The following DLC1 variants were observed in gnomAD, a reference collection of about 807,000 sequenced individuals.
The protein encoded by DLC1 is DLC1 Rho GTPase activating protein, also known as rho GTPase-activating protein 7.
In DLC1, 54 loss-of-function variants were observed where a neutral mutation model predicts 140.3. The observed-to-expected ratio is 0.38, with a 90% CI of 0.31 to 0.48. The LOEUF (loss-of-function observed/expected upper bound fraction) is 0.48. Among genes scored for constraint, DLC1 ranks in the 20% least tolerant of loss-of-function variants. The pLI is 0.96. For synonymous variants in DLC1, 986 were observed against 728.1 expected (o/e 1.35, Z -5.70); for missense variants, 2,536 against 1,907.0 (o/e 1.33, Z -6.14).
intron 3 of DLC1, among the ~76,000 whole-genome samples, chr8:13,398,294 C>T (rs1031650348): frequency 6.8e-4 from 26 of 37,990 alleles, no homozygotes; most frequent in Non-Finnish European, 1.1e-3. Context: ...AACTCTTCCC[C>T]ATCACATCTC....
chr8:13,087,775 T>C (rs1345594200), intron 16 of DLC1, among the ~76,000 whole-genome samples: 2 of 152,244 alleles, frequency 1.3e-5, no homozygotes, highest in Admixed American at 6.5e-5. Context: ...ATTTTTGGAA[T>C]TCTTCTTTCA....
intron 2 of DLC1, among the ~76,000 whole-genome samples, chr8:13,466,611 C>T (rs1167785942): frequency 1.3e-5 from 2 of 152,160 alleles, no homozygotes; most frequent in Non-Finnish European, 2.9e-5. Context: ...ACCTTGTAAA[C>T]ATCCACAACC....
chr8:13,100,405 C>T lies in DLC1; in HGVS notation c.1932G>A (p.Lys644=). The T allele has an allele frequency of 6.2e-7, 1 of 1,614,150 alleles. No individual in the cohort carries two copies. Among genetic ancestry groups the T allele is most frequent in the Non-Finnish European group, 8.5e-7 (1 of 1,180,042 alleles). ...TGCTGAAGCTGAAGCTGGACAGTTC[C>T]TTGGGAGAGGGCAGGCTGCCGAAAG... is the stretch of plus-strand genomic sequence containing the variant. ...DDSFGSLPSP[K]ELSSFSFSMK... The change falls in exon 9 of 18, where the codon AAG becomes AAA. Residue 644 remains lysine, a synonymous_variant. Coordinates refer to ENST00000276297, the MANE Select transcript of DLC1 (RefSeq NM_182643.3).
At chr8:13,219,378 AAT>A (rs3988466) in intron 5 of DLC1, among the ~76,000 whole-genome samples, 11 of 112,186 alleles carry the variant, frequency 9.8e-5, no homozygotes, top group African/African-American at 3.5e-4. Flanking sequence ...ATACTTATAT[AAT>A]TATATTTCAT....
chr8:13,164,387 T>A (rs1318634143), intron 5 of DLC1, among the ~76,000 whole-genome samples: 1 of 152,182 alleles, frequency 6.6e-6, no homozygotes, highest in African/African-American at 2.4e-5. Context: ...TCTGTCTATC[T>A]GTGTGTCAAA....
intron 2 of DLC1, among the ~76,000 whole-genome samples, chr8:13,410,958 C>A (rs762945225): frequency 6.6e-6 from 1 of 152,196 alleles, no homozygotes; most frequent in Non-Finnish European, 1.5e-5. Flanking sequence ...ATGAAACCCT[C>A]ATGGGTTTTA....
chr8:13,595,817 T>C (rs1585315306), intron 1 of DLC1, among the ~76,000 whole-genome samples: 1 of 152,054 alleles, frequency 6.6e-6, no homozygotes, highest in Non-Finnish European at 1.5e-5. Context: ...TTATTTTTTC[T>C]TGTAGACTCA....
At chr8:13,545,719 C>A (rs1203251242) in intron 1 of DLC1, among the ~76,000 whole-genome samples, 2 of 151,908 alleles carry the variant, frequency 1.3e-5, no homozygotes. Flanking sequence ...CTGGCTGAAC[C>A]ATTTGTGCTA....
Position 13,330,393 on chromosome 8 carries a change from A to G in DLC1, c.1315-25091T>C, listed in dbSNP as rs1833538154. Reference sequence around the variant, plus strand: ...CACATGTTTTGATTTTTACATATTCAATGGAATCCTCATGAACTTTTGACT... The same window carrying G: ...CACATGTTTTGATTTTTACATATTCGATGGAATCCTCATGAACTTTTGACT... On this transcript the variant is annotated intron_variant, in intron 4 of 17. Transcript: ENST00000276297. 2.6e-5 allele frequency among the ~76,000 whole-genome samples: 4 copies of G among 152,214 alleles called. 1 individual carries two copies. The South Asian group carries it at 8.3e-4, about 32-fold the overall frequency.
intron 1 of DLC1, among the ~76,000 whole-genome samples, chr8:13,552,011 A>G (rs542274930): frequency 5.0e-5 from 7 of 141,268 alleles, no homozygotes; most frequent in South Asian, 2.2e-4. Flanking sequence ...GTGCATATAT[A>G]TGTGTGTGTA....
chr8:13,099,493 T>C lies in DLC1; in HGVS notation c.2844A>G (p.Lys948=). The C allele has an allele frequency of 1.2e-6, 2 of 1,614,066 alleles. No individual in the cohort carries two copies. Among genetic ancestry groups the C allele is most frequent in the Non-Finnish European group, 1.7e-6 (2 of 1,180,008 alleles). The stretch of plus-strand genomic sequence containing the variant: ...CGTTGTCCACATCCAGGTGTATCTG[T>C]TTTGGAGAGGACGGGCAGGGAGAGA... ...DSVSPCPSSP[K]QIHLDVDNDR... Residue 948 remains lysine, a synonymous_variant, in exon 9 of 18, where the codon AAA becomes AAG. Transcript: ENST00000276297.
At chr8:13,555,552 T>G (rs1484694062) in intron 1 of DLC1, among the ~76,000 whole-genome samples, 1 of 152,008 alleles carries the variant, frequency 6.6e-6, no homozygotes, top group Non-Finnish European at 1.5e-5. Flanking sequence ...AGGGCAGTGG[T>G]ATGATCTCGG....
rs1563395480 is a variant in DLC1 at position 13,493,713 on chromosome 8, A to C, written c.1023+5336T>G. 2.6e-5 allele frequency among the ~76,000 whole-genome samples: 4 copies of C among 152,258 alleles called. No homozygotes were observed. In the East Asian group the frequency reaches 7.7e-4, roughly 29 times the overall value. ...ATTTTCTAGAACTTATTTTCTTTAA[A>C]TAGTTCCTTTCCTTTTATATTGTCC... On this transcript the variant is annotated intron_variant, in intron 2 of 17. Transcript: ENST00000276297.
At chr8:13,207,083 GT>G (rs1445855719) in intron 5 of DLC1, among the ~76,000 whole-genome samples, 1 of 152,044 alleles carries the variant, frequency 6.6e-6, no homozygotes, top group Non-Finnish European at 1.5e-5. Context: ...TGTGTATATT[GT>G]TATATGAATT....
intron 2 of DLC1, among the ~76,000 whole-genome samples, chr8:13,405,632 T>A (rs997623716): frequency 1.3e-5 from 2 of 152,170 alleles, no homozygotes; most frequent in African/African-American, 4.8e-5. Context: ...ATGTTAAACA[T>A]TTTAAATTTT....
At chr8:13,375,874 A>C (rs181289774) in intron 4 of DLC1, among the ~76,000 whole-genome samples, 3 of 152,326 alleles carry the variant, frequency 2.0e-5, no homozygotes, top group Middle Eastern at 3.4e-3. Flanking sequence ...TTGTTAAAAG[A>C]ATACAGGAGG....
chr8:13,391,885 C>T (rs1019850826), intron 4 of DLC1, among the ~76,000 whole-genome samples: 2 of 127,016 alleles, frequency 1.6e-5, no homozygotes, highest in African/African-American at 6.3e-5. Context: ...GAGCCCCACA[C>T]CTGTCCCCAA....
chr8:13,338,612 A>C (rs923834439), intron 4 of DLC1: 2 of 152,192 alleles, frequency 1.3e-5, no homozygotes, highest in African/African-American at 4.8e-5. Context: ...ACAAGCTCTG[A>C]TCCCTGACTC....
At chr8:13,497,033 C>T (rs1029097628) in intron 2 of DLC1, among the ~76,000 whole-genome samples, 2 of 151,930 alleles carry the variant, frequency 1.3e-5, no homozygotes, top group African/African-American at 4.8e-5. Context: ...ATCTCCTGAC[C>T]TCGTGATACG....
Sources: gnomAD v4.1 joint callset for allele counts (sites outside exome capture counted in the v4.1 genomes callset) on GRCh38, gnomAD v4.1.1 for gene constraint, MANE v1.5 for transcripts, NCBI Gene and HGNC (gene_info 2026-07-23, HGNC 2026-07-21) for gene names.